Variants in SYNJ2 observed in about 807,000 individuals in gnomAD.
The protein encoded by SYNJ2 is synaptojanin 2.
Under a neutral mutation model 141.3 loss-of-function variants are expected in SYNJ2, and 116 were observed. The ratio of observed to expected loss-of-function variants is 0.82; its 90% CI spans 0.71 to 0.96. The LOEUF is 0.96. Among genes scored for constraint, SYNJ2 ranks in the 40% least tolerant of loss-of-function variants. SYNJ2 has a pLI of 0.00. For missense variants in SYNJ2, 1,873 were observed against 1,934.8 expected, an observed-to-expected ratio of 0.97 and a Z score of 0.60; for synonymous variants, 745 against 777.7, an observed-to-expected ratio of 0.96 and a Z score of 0.70.
At chr6:158,064,462 C>T in intron 9 of SYNJ2, 139 bp from the exon 10 acceptor site, 1 of 1,059,202 alleles carries the variant, frequency 9.4e-7, no homozygotes, top group Non-Finnish European at 1.4e-6. Context: ...GCTGTGGGAA[C>T]TCCTCATCCT....
chr6:158,036,679 A>G (rs988516455), intron 4 of SYNJ2, among the ~76,000 whole-genome samples: 2 of 152,212 alleles, frequency 1.3e-5, no homozygotes, highest in African/African-American at 4.8e-5. Flanking sequence ...GGGTGCTGCT[A>G]GGCTTAATAC....
chr6:158,049,873 T>TGGCTCTGCAGGTATGCCTGC (rs1304693205), intron 5 of SYNJ2, among the ~76,000 whole-genome samples: 6 of 147,722 alleles, frequency 4.1e-5, no homozygotes, highest in East Asian at 2.0e-4. Context: ...GGTGGGGACA[T>TGGCTCTGCAGGTATGCCTGC]GGCTCTGCAG....
Position 158,017,294 on chromosome 6 carries a change from A to C in SYNJ2, c.214+4A>C, listed in dbSNP as rs1778503795. On this transcript the variant is annotated splice_donor_region_variant and intron_variant, in intron 2 of 26. Coordinates refer to ENST00000355585, the MANE Select transcript of SYNJ2 (RefSeq NM_003898.4). The stretch of plus-strand genomic sequence containing the variant: ...GGGGAGCTGAGGCTGAAATCTGGTG[A>C]GTAGCCGCTCGCTGGAGGAGCAGGC... 2 of 1,610,178 alleles carry C rather than the reference A, an allele frequency of 1.2e-6. No homozygotes were observed. Among genetic ancestry groups the C allele is most frequent in the Non-Finnish European group, 1.7e-6 (2 of 1,178,536 alleles).
Position 158,017,519 on chromosome 6 carries a change from A to G in SYNJ2, c.214+229A>G, listed in dbSNP as rs113051499. 2,554 of 549,716 alleles carry G rather than the reference A, an allele frequency of 4.6e-3. 36 individuals carry two copies. Among genetic ancestry groups the G allele is most frequent in the African/African-American group, 0.036 (1,840 of 51,334 alleles). The allele number at this position is 549,716 out of a possible 1,614,324, so 34.1% of individuals were successfully genotyped here. A position where few individuals can be genotyped will look rare whatever the true frequency, so the allele number is the denominator to read the frequency against. ...AACCTCTGCCTCCTGGGTTCAAGCAATTCTCCTGCCTCAGCCTCCTGAATA... is the reference window on the plus strand; with the variant it reads ...AACCTCTGCCTCCTGGGTTCAAGCAGTTCTCCTGCCTCAGCCTCCTGAATA... On this transcript the variant is annotated intron_variant, in intron 2 of 26. Transcript: ENST00000355585.
At position 158,031,538 on chromosome 6, in the gene SYNJ2, CCCAGAACTGA is replaced by C. The variant is rs1188472136; in HGVS notation, c.486-1913_486-1904del. Among the ~76,000 whole-genome samples the C allele has an allele frequency of 2.6e-5, 4 of 152,202 alleles. No homozygotes were observed. In the East Asian group the frequency reaches 7.7e-4, roughly 29 times the overall value. Reference sequence around the variant, plus strand: ...TGGTGTTTAGGCTCAGGGTGGAGCCCCCAGAACTGACCACAACTGAGTCACCACGGGCAGT... The same window carrying C: ...TGGTGTTTAGGCTCAGGGTGGAGCCCCCACAACTGAGTCACCACGGGCAGT... On this transcript the variant is annotated intron_variant, in intron 3 of 26. Transcript: ENST00000355585.
At chr6:158,011,351 TCTG>T (rs1778263997) in intron 1 of SYNJ2, among the ~76,000 whole-genome samples, 1 of 152,156 alleles carries the variant, frequency 6.6e-6, no homozygotes, top group Admixed American at 6.5e-5. Flanking sequence ...AGAATGAAGT[TCTG>T]CTGCCTGGGG....
chr6:158,086,551 T>C (rs180861470), intron 22 of SYNJ2, among the ~76,000 whole-genome samples: 2 of 152,330 alleles, frequency 1.3e-5, no homozygotes, highest in African/African-American at 2.4e-5. Flanking sequence ...GGTTTGCAAC[T>C]GTCTCCTCCA....
intron 1 of SYNJ2, among the ~76,000 whole-genome samples, chr6:157,996,701 C>G (rs1343598264): frequency 6.6e-6 from 1 of 152,170 alleles, no homozygotes; most frequent in African/African-American, 2.4e-5. Flanking sequence ...CACCATCCCC[C>G]CTGGGGTTAT....
chr6:158,088,488 G>T (rs1783224546), intron 23 of SYNJ2, among the ~76,000 whole-genome samples, 172 bp from the exon 24 acceptor site: 1 of 152,136 alleles, frequency 6.6e-6, no homozygotes, highest in South Asian at 2.1e-4. Flanking sequence ...ACTCCATAGA[G>T]AGTCAAGGAA....
intron 23 of SYNJ2, 110 bp downstream of exon 23, chr6:158,087,099 C>T (rs1783099934): frequency 3.1e-6 from 4 of 1,301,340 alleles, no homozygotes; most frequent in Non-Finnish European, 4.2e-6. Context: ...CTTCCGGTCC[C>T]CACAGGGCTT....
intron 1 of SYNJ2, among the ~76,000 whole-genome samples, chr6:157,990,630 G>A (rs897844913): frequency 1.3e-5 from 2 of 152,224 alleles, no homozygotes. Flanking sequence ...GGAGGACCGG[G>A]CTGCTCCAGG....
At position 158,099,174 on chromosome 6, in the gene SYNJ2, A is replaced by T. The variant is rs530610647; in HGVS notation, c.*2810A>T. The T allele has an allele frequency of 1.3e-5, 2 of 152,240 alleles. No individual in the cohort carries two copies. Among genetic ancestry groups the T allele is most frequent in the South Asian group, 2.1e-4 (1 of 4,826 alleles). 9.4% of individuals were successfully genotyped at this position (152,240 alleles called of 1,614,324 possible). On this transcript the variant is annotated 3_prime_UTR_variant, in exon 27 of 27. Transcript: ENST00000355585. ...CTATTAAATGTTTTTGTCTTTTTTT[A>T]AATTGGGTTTATTTCTTTTCAGATA...
At chr6:157,983,096 GAGGTGGTCGGCAA>G (rs1181871549) in intron 1 of SYNJ2, among the ~76,000 whole-genome samples, 1 of 152,250 alleles carries the variant, frequency 6.6e-6, no homozygotes, top group Non-Finnish European at 1.5e-5. Flanking sequence ...ACTCGTACTT[GAGGTGGTCGGCAA>G]ATGCAGCAGG....
intron 18 of SYNJ2, among the ~76,000 whole-genome samples, chr6:158,079,571 A>T (rs1333214222): frequency 6.6e-6 from 1 of 151,924 alleles, no homozygotes; most frequent in African/African-American, 2.4e-5. Context: ...CGGTTTTGCC[A>T]TGTTAGCCAG....
chr6:158,017,605 G>A (rs575976825), intron 2 of SYNJ2: 54 of 402,448 alleles, frequency 1.3e-4, no homozygotes, highest in South Asian at 1.0e-3. Context: ...TAGTAGAGAC[G>A]GGGTTTTTCC....
chr6:158,020,193 G>A (rs1031279646), intron 2 of SYNJ2, among the ~76,000 whole-genome samples: 1 of 84,210 alleles, frequency 1.2e-5, no homozygotes, highest in African/African-American at 5.4e-5. Flanking sequence ...CCACCTGTGT[G>A]ACTCTGACTG....
chr6:158,092,886 C>A, intron 25 of SYNJ2, 40 bp from the exon 26 acceptor site: 1 of 1,538,990 alleles, frequency 6.5e-7, no homozygotes, highest in Admixed American at 2.2e-5. Flanking sequence ...AGTGAATTGC[C>A]TTGTCCTTTA....
At chr6:158,055,965 A>G (rs1780846592) in intron 6 of SYNJ2, among the ~76,000 whole-genome samples, 1 of 152,230 alleles carries the variant, frequency 6.6e-6, no homozygotes, top group Non-Finnish European at 1.5e-5. Flanking sequence ...ACATTCATCT[A>G]TACTAAATTG....
At chr6:158,095,323 A>C (rs1783734680) in intron 26 of SYNJ2, among the ~76,000 whole-genome samples, 1 of 152,146 alleles carries the variant, frequency 6.6e-6, no homozygotes, top group Admixed American at 6.5e-5. Context: ...GCATCACCCC[A>C]TTTCCTAAAG....
Sources: allele counts gnomAD v4.1 joint callset (sites outside exome capture counted in the v4.1 genomes callset), GRCh38; gene constraint gnomAD v4.1.1; transcripts MANE v1.5; gene names NCBI Gene and HGNC (gene_info 2026-07-23, HGNC 2026-07-21).